The following ADGRF5 variants were observed in gnomAD, a reference collection of about 807,000 sequenced individuals.
ADGRF5 encodes the protein adhesion G protein-coupled receptor F5.
ADGRF5 carries 75 observed loss-of-function variants against 132.3 expected under a neutral mutation model. That is an observed-to-expected ratio of 0.57 (90% CI 0.47 to 0.69). ADGRF5 has a LOEUF of 0.69. Ranked by LOEUF, ADGRF5 falls within the 30% of genes least tolerant of loss-of-function variation. The probability of loss-of-function intolerance (pLI) is 0.00; values close to 1 mark genes in which losing one functional copy is unlikely to be tolerated. For missense variants in ADGRF5, 1,516 were observed against 1,630.6 expected (o/e 0.93, Z 1.21); for synonymous variants, 629 against 597.6 (o/e 1.05, Z -0.77).
intron 11 of ADGRF5, among the ~76,000 whole-genome samples, chr6:46,870,107 C>T (rs1770883217): frequency 6.6e-6 from 1 of 151,794 alleles, no homozygotes; most frequent in African/African-American, 2.4e-5. Flanking sequence ...TTTTGTGAGC[C>T]CACTGATGCT....
At chr6:46,950,759 C>T (rs936443733) in intron 1 of ADGRF5, among the ~76,000 whole-genome samples, 5 of 152,178 alleles carry the variant, frequency 3.3e-5, no homozygotes, top group Admixed American at 1.3e-4. Context: ...GTGATCCGCT[C>T]ACCTCAGCCT....
Position 46,860,818 on chromosome 6 carries a change from G to T in ADGRF5, c.2276C>A (p.Ala759Glu). The T allele has an allele frequency of 3.1e-6, 5 of 1,613,290 alleles. No homozygotes were observed. The highest frequency in any genetic ancestry group is 4.2e-6 in the Non-Finnish European group (5 of 1,179,248). ...LKDLSISIDK[A>E]EHEISSSPGS... ...AGGAGAAGAGCTGATTTCATGTTCCGCTTTGTCTATGCTAATAGAAAGATC... is the reference window on the plus strand; with the variant it reads ...AGGAGAAGAGCTGATTTCATGTTCCTCTTTGTCTATGCTAATAGAAAGATC... Residue 759 changes from alanine to glutamate, a missense_variant, in exon 16 of 21, where the codon GCG (alanine) becomes GAG (glutamate). By Grantham distance (107) the Ala-to-Glu change is moderately radical. This residue lies in a region of ADGRF5 where 945 missense variants were observed against 929.4 expected (regional missense o/e 1.02). Coordinates refer to ENST00000283296, the MANE Select transcript of ADGRF5 (RefSeq NM_001098518.2).
chr6:46,862,145 T>C (rs2060630879), intron 15 of ADGRF5, among the ~76,000 whole-genome samples: 1 of 152,238 alleles, frequency 6.6e-6, no homozygotes. Context: ...GAAACACATA[T>C]AAGTATTACC....
chr6:46,954,516 G>A (rs968412889), intron 1 of ADGRF5, among the ~76,000 whole-genome samples: 2 of 151,532 alleles, frequency 1.3e-5, no homozygotes, highest in South Asian at 2.1e-4. Context: ...TATACTGGCT[G>A]GCATTCTTTA....
chr6:46,864,982 A>C, intron 14 of ADGRF5, 60 bp downstream of exon 14: 8 of 1,139,022 alleles, frequency 7.0e-6, no homozygotes, highest in Non-Finnish European at 1.0e-5. Context: ...GAGGGAGTGA[A>C]TAAATAAATA....
upstream of ADGRF5, among the ~76,000 whole-genome samples, chr6:46,923,205 CG>C (rs1777078943): frequency 6.6e-6 from 1 of 152,162 alleles, no homozygotes; most frequent in Non-Finnish European, 1.5e-5. Context: ...GGATTACAGG[CG>C]TGAGCCACTG....
chr6:46,863,161 T>C (rs1206205237), intron 14 of ADGRF5, 65 bp from the exon 15 acceptor site: 3 of 1,228,584 alleles, frequency 2.4e-6, no homozygotes, highest in Admixed American at 3.5e-5. Context: ...AGAAATACGG[T>C]CAGGCCAAGG....
At chr6:46,944,112 C>A (rs545566303) in intron 1 of ADGRF5, among the ~76,000 whole-genome samples, 1 of 152,324 alleles carries the variant, frequency 6.6e-6, no homozygotes, top group Non-Finnish European at 1.5e-5. Context: ...TCCTCTTTGG[C>A]ACCAGGGACT....
At chr6:46,869,986 T>C (rs1485953689) in intron 11 of ADGRF5, among the ~76,000 whole-genome samples, 3 of 151,994 alleles carry the variant, frequency 2.0e-5, no homozygotes, top group Non-Finnish European at 4.4e-5. Flanking sequence ...AAAGCTTATA[T>C]GAGCTTCCCA....
intron 10 of ADGRF5, among the ~76,000 whole-genome samples, chr6:46,874,383 C>T (rs1463217493): frequency 6.6e-6 from 1 of 152,160 alleles, no homozygotes; most frequent in Non-Finnish European, 1.5e-5. Context: ...ACCCATTTAT[C>T]TCACCAAACT....
intron 3 of ADGRF5, among the ~76,000 whole-genome samples, chr6:46,897,979 T>C (rs1213807200): frequency 4.6e-5 from 7 of 152,176 alleles, no homozygotes; most frequent in Admixed American, 2.6e-4. Context: ...GTTGATTCAT[T>C]AACACTTCCC....
chr6:46,939,601 G>T (rs903522819), intron 1 of ADGRF5, among the ~76,000 whole-genome samples: 2 of 151,982 alleles, frequency 1.3e-5, no homozygotes, highest in Admixed American at 1.3e-4. Flanking sequence ...ATTATTTTTA[G>T]TAGCTTCCTT....
intron 11 of ADGRF5, among the ~76,000 whole-genome samples, 161 bp downstream of exon 11, chr6:46,871,682 G>C (rs1033988981): frequency 2.0e-5 from 3 of 152,156 alleles, no homozygotes; most frequent in South Asian, 2.1e-4. Context: ...ATGGCAGAGA[G>C]AGAAATCCTT....
chr6:46,889,131 C>A (rs983670381), intron 3 of ADGRF5, among the ~76,000 whole-genome samples: 28 of 150,684 alleles, frequency 1.9e-4, no homozygotes, highest in Middle Eastern at 7.0e-3. Context: ...TGTTCCCCAA[C>A]ACACAGCTAC....
intron 2 of ADGRF5, among the ~76,000 whole-genome samples, chr6:46,901,097 G>A (rs907364689): frequency 1.3e-5 from 2 of 152,104 alleles, no homozygotes; most frequent in African/African-American, 2.4e-5. Flanking sequence ...GATGCTCTGG[G>A]GGCATCATGC....
chr6:46,877,281 T>C (rs1432122560), intron 10 of ADGRF5, among the ~76,000 whole-genome samples: 78 of 55,564 alleles, frequency 1.4e-3, no homozygotes, highest in Middle Eastern at 8.8e-3. Flanking sequence ...CTTTCTTTCT[T>C]TCTTTCTTTC....
intron 1 of ADGRF5, among the ~76,000 whole-genome samples, chr6:46,953,664 T>C (rs1365285772): frequency 7.9e-6 from 1 of 126,776 alleles, no homozygotes. Flanking sequence ...TATATATATA[T>C]ATATATATAT....
rs773298284 is a variant in ADGRF5 at position 46,900,090 on chromosome 6, A to C, written c.103-7T>G. 19 of 1,607,966 alleles carry C rather than the reference A, an allele frequency of 1.2e-5. No homozygotes were observed. The highest frequency in any genetic ancestry group is 1.6e-4 in the Middle Eastern group (1 of 6,062). ...GTTCATGTTCATGAAGACTCTGAAA[A>C]GAACATTTGAGAAAGTTGTCAATTA... On this transcript the variant is annotated splice_region_variant and splice_polypyrimidine_tract_variant and intron_variant, in intron 2 of 20. Transcript: ENST00000283296.
chr6:46,878,180 AG>A (rs1207245558), intron 10 of ADGRF5, 21 bp downstream of exon 10: 3 of 1,537,744 alleles, frequency 2.0e-6, no homozygotes, highest in Non-Finnish European at 2.7e-6. Flanking sequence ...TATTTGCAAA[AG>A]GGCTTATCTA....
Sources: gnomAD v4.1 joint callset for allele counts (sites outside exome capture counted in the v4.1 genomes callset) on GRCh38, gnomAD v4.1.1 for gene constraint, gnomAD v4.1.1 regional missense constraint, MANE v1.5 for transcripts, NCBI Gene and HGNC (gene_info 2026-07-23, HGNC 2026-07-21) for gene names.